Variants in MYO1D observed in about 807,000 individuals in gnomAD.
MYO1D encodes myosin ID.
In MYO1D, 83 loss-of-function variants were observed where a neutral mutation model predicts 122.0. That is an observed-to-expected ratio of 0.68 (90% CI 0.57 to 0.82). The LOEUF is 0.82. MYO1D is among the 40% of genes least tolerant of loss of function. The pLI, the probability that MYO1D is intolerant of heterozygous loss-of-function variation, is 0.00. For missense variants in MYO1D, 1,157 were observed against 1,269.5 expected (o/e 0.91, Z 1.35); for synonymous variants, 464 against 446.9 (o/e 1.04, Z -0.48).
intron 1 of MYO1D, among the ~76,000 whole-genome samples, chr17:32,834,953 A>T (rs2090807815): frequency 6.6e-6 from 1 of 152,220 alleles, no homozygotes; most frequent in Non-Finnish European, 1.5e-5. Flanking sequence ...CGGAGGTTGC[A>T]GTGAGCCCAG....
chr17:32,741,796 G>A (rs1157034449), intron 13 of MYO1D, among the ~76,000 whole-genome samples: 5 of 152,006 alleles, frequency 3.3e-5, no homozygotes, highest in Admixed American at 1.3e-4. Flanking sequence ...GGCGGATCAC[G>A]AGGTCAGGAG....
intron 21 of MYO1D, among the ~76,000 whole-genome samples, chr17:32,593,643 A>G (rs936448266): frequency 2.0e-5 from 3 of 152,238 alleles, no homozygotes; most frequent in African/African-American, 7.2e-5. Flanking sequence ...TATAAAGAAA[A>G]GTTATATATA....
At chr17:32,807,158 T>C (rs1167753108) in intron 1 of MYO1D, among the ~76,000 whole-genome samples, 1 of 152,152 alleles carries the variant, frequency 6.6e-6, no homozygotes, top group East Asian at 1.9e-4. Context: ...CAAAAATTAA[T>C]ACACAATAAT....
At chr17:32,730,956 G>C (rs1370749809) in intron 14 of MYO1D, among the ~76,000 whole-genome samples, 1 of 150,826 alleles carries the variant, frequency 6.6e-6, no homozygotes, top group African/African-American at 2.4e-5. Flanking sequence ...GCCCAGGCGG[G>C]AGTGCAGTGG....
intron 1 of MYO1D, among the ~76,000 whole-genome samples, chr17:32,831,877 T>C (rs2090773877): frequency 6.6e-6 from 1 of 152,182 alleles, no homozygotes; most frequent in South Asian, 2.1e-4. Flanking sequence ...AGGGATGCTG[T>C]TGTCATTACA....
chr17:32,642,433 T>A (rs543977654), intron 19 of MYO1D, among the ~76,000 whole-genome samples: 3 of 152,360 alleles, frequency 2.0e-5, no homozygotes, highest in Admixed American at 6.5e-5. Flanking sequence ...TGGTTCCATA[T>A]GAACTTTACA....
rs546732166 is a variant in MYO1D at position 32,657,840 on chromosome 17, GGCTGTAGT to G, written c.2345+1267_2345+1274del. Among the ~76,000 whole-genome samples the G allele has an allele frequency of 1.7e-3, 266 of 152,316 alleles. 1 individual carries two copies. The highest frequency in any genetic ancestry group is 6.2e-3 in the African/African-American group (258 of 41,574). ...CAAAATCTAAATAGAAGACTGTATA[GGCTGTAGT>G]GCAATCTAATCAAAATCAATAACAA... On this transcript the variant is annotated intron_variant, in intron 17 of 21. Transcript: ENST00000318217.
chr17:32,731,845 G>T (rs2089642895), intron 14 of MYO1D, among the ~76,000 whole-genome samples: 1 of 152,214 alleles, frequency 6.6e-6, no homozygotes, highest in Non-Finnish European at 1.5e-5. Context: ...AACCTCCTGG[G>T]TGAAGCCATA....
At chr17:32,712,257 TA>T (rs2089387826) in intron 15 of MYO1D, 62 bp from the exon 16 acceptor site, 1 of 1,447,880 alleles carries the variant, frequency 6.9e-7, no homozygotes, top group Admixed American at 1.8e-5. Flanking sequence ...AATAGAAAAC[TA>T]TTCAATAAAA....
At chr17:32,735,350 G>A (rs1353955227) in intron 14 of MYO1D, among the ~76,000 whole-genome samples, 2 of 151,904 alleles carry the variant, frequency 1.3e-5, no homozygotes, top group East Asian at 1.9e-4. Context: ...GCCCAGCTAA[G>A]TTTTGTATTT....
At position 32,731,892 on chromosome 17, in the gene MYO1D, C is replaced by T. The variant is rs148775733; in HGVS notation, c.1746+6361G>A. Among the ~76,000 whole-genome samples, 9 of 152,342 alleles carry T rather than the reference C, an allele frequency of 5.9e-5. No homozygotes were observed. In the East Asian group the frequency reaches 1.5e-3, roughly 26 times the overall value. On this transcript the variant is annotated intron_variant, in intron 14 of 21. Coordinates refer to ENST00000318217, the MANE Select transcript of MYO1D (RefSeq NM_015194.3). ...ATGGCTGTAGACCTGGGTACCTCTG[C>T]ACTCCCGGGGACATGGGAAGCTCCC...
intron 20 of MYO1D, among the ~76,000 whole-genome samples, chr17:32,617,809 C>T (rs2087794542): frequency 6.6e-6 from 1 of 152,124 alleles, no homozygotes; most frequent in Non-Finnish European, 1.5e-5. Flanking sequence ...TTTGTAAATG[C>T]ATCATAGAAA....
chr17:32,725,789 T>A (rs1297785750), intron 14 of MYO1D, among the ~76,000 whole-genome samples: 1 of 148,986 alleles, frequency 6.7e-6, no homozygotes, highest in African/African-American at 2.5e-5. Flanking sequence ...CAAGCATATT[T>A]AAAAAAAAAT....
At chr17:32,598,203 A>G (rs1567903511) in intron 21 of MYO1D, among the ~76,000 whole-genome samples, 1 of 151,984 alleles carries the variant, frequency 6.6e-6, no homozygotes, top group Non-Finnish European at 1.5e-5. Context: ...GCCAAATCCC[A>G]TCTCTACTAA....
Position 32,729,562 on chromosome 17 carries a change from G to T in MYO1D, c.1747-8373C>A, listed in dbSNP as rs150804168. Among the ~76,000 whole-genome samples the T allele has an allele frequency of 3.8e-3, 573 of 152,264 alleles. 2 individuals are homozygous for T. Among genetic ancestry groups the T allele is most frequent in the African/African-American group, 0.013 (550 of 41,544 alleles). ...GACAAAATATGGGGAAAAGGTTTTGGTAAGTGCATCTCGGAGCTAATAAGA... is the reference window on the plus strand; with the variant it reads ...GACAAAATATGGGGAAAAGGTTTTGTTAAGTGCATCTCGGAGCTAATAAGA... On this transcript the variant is annotated intron_variant, in intron 14 of 21. Transcript: ENST00000318217.
chr17:32,742,538 C>T (rs1484378919), intron 13 of MYO1D, among the ~76,000 whole-genome samples: 1 of 152,212 alleles, frequency 6.6e-6, no homozygotes, highest in Non-Finnish European at 1.5e-5. Flanking sequence ...ACTGGCAACA[C>T]ACCCTGATGG....
Position 32,494,545 on chromosome 17 carries a change from T to C in MYO1D, c.*214A>G, listed in dbSNP as rs1203354049. On this transcript the variant is annotated 3_prime_UTR_variant, in exon 22 of 22. Coordinates refer to ENST00000318217, the MANE Select transcript of MYO1D (RefSeq NM_015194.3). ...CAGGGGTCTGGGCGGGGCACCAGGG[T>C]CTTTGGCTTATTGAACAGGGACCGT... 1.6e-6 allele frequency: 1 copy of C among 625,430 alleles called. No homozygotes were observed. The highest frequency in any genetic ancestry group is 2.7e-6 in the Non-Finnish European group (1 of 370,348). 38.7% of individuals were successfully genotyped at this position (625,430 alleles called of 1,614,324 possible). A position where few individuals can be genotyped will look rare whatever the true frequency, so the allele number is the denominator to read the frequency against.
intron 1 of MYO1D, among the ~76,000 whole-genome samples, chr17:32,792,309 A>AT (rs986171199): frequency 6.7e-4 from 102 of 152,374 alleles, no homozygotes; most frequent in African/African-American, 2.3e-3. Context: ...CTTATAATGT[A>AT]TGAGACTTTC....
At chr17:32,674,545 T>C (rs1597994493) in intron 16 of MYO1D, among the ~76,000 whole-genome samples, 1 of 152,250 alleles carries the variant, frequency 6.6e-6, no homozygotes, top group Non-Finnish European at 1.5e-5. Flanking sequence ...TTAAAGTACT[T>C]ATTCTTGACA....
Sources: allele counts gnomAD v4.1 joint callset (sites outside exome capture counted in the v4.1 genomes callset), GRCh38; gene constraint gnomAD v4.1.1; transcripts MANE v1.5; gene names NCBI Gene and HGNC (gene_info 2026-07-23, HGNC 2026-07-21).